The following ADGRA3 variants were observed in gnomAD, a reference collection of about 807,000 sequenced individuals.
ADGRA3 encodes G-protein coupled receptor 125.
A neutral mutation model predicts 119.8 loss-of-function variants in ADGRA3; 56 were observed. The observed-to-expected ratio is 0.47, with a 90% CI of 0.38 to 0.58. The LOEUF is 0.58. Among genes scored for constraint, ADGRA3 ranks in the 20% least tolerant of loss-of-function variants. The pLI, the probability that ADGRA3 is intolerant of heterozygous loss-of-function variation, is 0.00. For missense variants in ADGRA3, 1,516 were observed against 1,649.0 expected (o/e 0.92, Z 1.40); for synonymous variants, 607 against 623.8 (o/e 0.97, Z 0.40).
chr4:22,433,832 G>A (rs1194024583), intron 10 of ADGRA3, among the ~76,000 whole-genome samples: 1 of 151,998 alleles, frequency 6.6e-6, no homozygotes, highest in Non-Finnish European at 1.5e-5. Context: ...GAACCCAAAC[G>A]GCCTCTCCCA....
intron 1 of ADGRA3, among the ~76,000 whole-genome samples, chr4:22,474,305 T>C (rs1717961554): frequency 6.6e-6 from 1 of 152,222 alleles, no homozygotes; most frequent in Non-Finnish European, 1.5e-5. Context: ...TGAATACTAT[T>C]TGTAATTTAA....
At position 22,469,183 on chromosome 4, in the gene ADGRA3, ACT is replaced by A. The variant is rs1427798519; in HGVS notation, c.329+4587_329+4588del. Among the ~76,000 whole-genome samples, 12 of 152,006 alleles carry A rather than the reference ACT, an allele frequency of 7.9e-5. No homozygotes were observed. The East Asian group carries it at 2.1e-3, about 27-fold the overall frequency. On this transcript the variant is annotated intron_variant, in intron 2 of 18. Transcript: ENST00000334304. ...CCTCCTGGAGGAGGTGTCCCTGCAC[ACT>A]CTACTGAAAACCGAGGACACCCTCA...
intron 4 of ADGRA3, among the ~76,000 whole-genome samples, chr4:22,449,155 A>G (rs2109083257): frequency 6.6e-6 from 1 of 151,802 alleles, no homozygotes; most frequent in Non-Finnish European, 1.5e-5. Context: ...TTGTCATCCC[A>G]GCTACTCAGG....
intron 16 of ADGRA3, chr4:22,393,812 T>G (rs958824820): frequency 3.9e-5 from 6 of 152,180 alleles, no homozygotes; most frequent in Non-Finnish European, 7.4e-5. Context: ...TAGAAAATTA[T>G]CAATCGCCAC....
intron 16 of ADGRA3, among the ~76,000 whole-genome samples, chr4:22,399,495 C>CT (rs35859289): frequency 0.085 from 11,548 of 136,002 alleles, 793 homozygotes; most frequent in East Asian, 0.32. Context: ...CTAGAGTTGA[C>CT]TTTTTTTTTT....
chr4:22,435,184 A>C (rs1716344155), intron 10 of ADGRA3, 127 bp downstream of exon 10: 3 of 818,440 alleles, frequency 3.7e-6, no homozygotes, highest in Non-Finnish European at 5.8e-6. Context: ...AAAATTCTGG[A>C]AATTTAAAAG....
chr4:22,413,840 A>C (rs1320803987), intron 12 of ADGRA3, 26 bp from the exon 13 acceptor site: 3 of 1,500,194 alleles, frequency 2.0e-6, no homozygotes, highest in Admixed American at 3.9e-5. Context: ...TACATAAAAA[A>C]AGCTCACTAC....
chr4:22,469,941 C>T (rs961942415), intron 2 of ADGRA3, among the ~76,000 whole-genome samples: 1 of 152,184 alleles, frequency 6.6e-6, no homozygotes, highest in Non-Finnish European at 1.5e-5. Flanking sequence ...TTTCTTTATC[C>T]ACAGTACTTG....
intron 2 of ADGRA3, among the ~76,000 whole-genome samples, chr4:22,467,670 C>A (rs1717708358): frequency 6.6e-6 from 1 of 152,112 alleles, no homozygotes; most frequent in Non-Finnish European, 1.5e-5. Flanking sequence ...ATAAAAAATT[C>A]TTGACATATT....
rs140443154 is a variant in ADGRA3 at position 22,454,921 on chromosome 4, G to A, written c.418C>T (p.Arg140Ter). Reference protein sequence around the residue: ...SLKRLDLTNNRIGCLNADIFR... With the variant: ...SLKRLDLTNN ...ATGTCTGCATTCAGACATCCTATTC[G>A]ATTGTTTGTCAGATCCCTAAGGAGA... is the stretch of plus-strand genomic sequence containing the variant. Residue 140 changes from arginine (R) to a stop codon, truncating the protein, a stop_gained, in exon 4 of 19, where the codon CGA becomes TGA. Coordinates refer to ENST00000334304, the MANE Select transcript of ADGRA3 (RefSeq NM_145290.4). LOFTEE classifies it high-confidence loss of function. 1 of 1,613,340 alleles carries A rather than the reference G, an allele frequency of 6.2e-7. No individual in the cohort carries two copies. The highest frequency in any genetic ancestry group is 8.5e-7 in the Non-Finnish European group (1 of 1,179,350).
At chr4:22,470,840 C>A (rs943459459) in intron 2 of ADGRA3, among the ~76,000 whole-genome samples, 1 of 152,170 alleles carries the variant, frequency 6.6e-6, no homozygotes, top group East Asian at 1.9e-4. Context: ...CTGCTGAAGA[C>A]GTTACCACTG....
intron 16 of ADGRA3, among the ~76,000 whole-genome samples, chr4:22,396,146 C>T (rs1018665595): frequency 1.3e-5 from 2 of 152,124 alleles, no homozygotes; most frequent in East Asian, 1.9e-4. Flanking sequence ...CTTGAGTCAA[C>T]GGCCCTTGCA....
intron 7 of ADGRA3, among the ~76,000 whole-genome samples, chr4:22,440,000 TAAC>T (rs1229882001): frequency 3.3e-5 from 5 of 152,190 alleles, no homozygotes; most frequent in Non-Finnish European, 5.9e-5. Flanking sequence ...TATTCTTAAA[TAAC>T]AACTACTTCT....
At chr4:22,445,166 G>T (rs761065385) in intron 5 of ADGRA3, 33 bp from the exon 6 acceptor site, 186 of 1,601,650 alleles carry the variant, frequency 1.2e-4, no homozygotes, top group Non-Finnish European at 1.6e-4. Flanking sequence ...AGAGATTATA[G>T]TGAATAAAAT....
chr4:22,498,963 G>C (rs1718952671), intron 1 of ADGRA3, among the ~76,000 whole-genome samples: 1 of 151,760 alleles, frequency 6.6e-6, no homozygotes, highest in Admixed American at 6.6e-5. Flanking sequence ...TTAACAAAAA[G>C]ACAGCTCAAG....
intron 12 of ADGRA3, chr4:22,420,563 A>C: frequency 2.5e-6 from 1 of 399,650 alleles, no homozygotes; most frequent in Non-Finnish European, 4.4e-6. Context: ...GAGCAAAAAA[A>C]CAAATAAATA....
chr4:22,390,578 T>C (rs1053366182), intron 17 of ADGRA3, among the ~76,000 whole-genome samples: 2 of 151,942 alleles, frequency 1.3e-5, no homozygotes, highest in Middle Eastern at 3.4e-3. Context: ...TATTGTCAGC[T>C]GTACCCACTC....
intron 4 of ADGRA3, among the ~76,000 whole-genome samples, chr4:22,451,166 T>C (rs1717028658): frequency 6.6e-6 from 1 of 151,826 alleles, no homozygotes; most frequent in Non-Finnish European, 1.5e-5. Flanking sequence ...TGTTTTCATA[T>C]AAAGGAAATT....
rs901864091 is a variant in ADGRA3, at chr4:22,389,191, G to A, written c.2628-8C>T. On this transcript the variant is annotated splice_region_variant and splice_polypyrimidine_tract_variant and intron_variant, in intron 17 of 18. Coordinates refer to ENST00000334304, the MANE Select transcript of ADGRA3 (RefSeq NM_145290.4). The stretch of plus-strand genomic sequence containing the variant: ...CCACCAATCAGGTAAAATCTAGAAG[G>A]AGGAATCACAGGAAAAACCACTCAT... 4.4e-6 allele frequency: 7 copies of A among 1,596,918 alleles called. No homozygotes were observed. The South Asian group carries it at 6.6e-5, about 15-fold the overall frequency.
Sources: gnomAD v4.1 joint callset for allele counts (sites outside exome capture counted in the v4.1 genomes callset) on GRCh38, gnomAD v4.1.1 for gene constraint, MANE v1.5 for transcripts, NCBI Gene and HGNC (gene_info 2026-07-23, HGNC 2026-07-21) for gene names.